Variants in NTRK3 observed in about 807,000 individuals in gnomAD.
NTRK3 encodes the protein NT-3 growth factor receptor.
NTRK3 carries 24 observed loss-of-function variants against 91.7 expected under a neutral mutation model. That is an observed-to-expected ratio of 0.26 (90% CI 0.19 to 0.37). The LOEUF is 0.37. Ranked by LOEUF, NTRK3 falls within the 10% of genes least tolerant of loss-of-function variation. The probability of loss-of-function intolerance (pLI) is 1.00; values close to 1 mark genes in which losing one functional copy is unlikely to be tolerated. For missense variants in NTRK3, 880 were observed against 1,068.9 expected (o/e 0.82, Z 2.46); for synonymous variants, 483 against 404.0 (o/e 1.20, Z -2.34).
intron 14 of NTRK3, among the ~76,000 whole-genome samples, chr15:87,959,932 A>G (rs1274876271): frequency 6.6e-6 from 1 of 152,188 alleles, no homozygotes; most frequent in Admixed American, 6.5e-5. Flanking sequence ...ATTCTCAGAC[A>G]TGTGGGAAAC....
chr15:88,014,383 A>G (rs1210172433), intron 14 of NTRK3, among the ~76,000 whole-genome samples: 1 of 152,214 alleles, frequency 6.6e-6, no homozygotes, highest in Non-Finnish European at 1.5e-5. Flanking sequence ...TCATTGAACT[A>G]TGTGTTTGGC....
exon 19 of NTRK3, chr15:87,874,543 C>A (rs773048034): frequency 8.6e-6 from 2 of 233,350 alleles, no homozygotes; most frequent in African/African-American, 2.2e-5. Context: ...TCTCCTGCTT[C>A]TTCCCAGCCC....
At chr15:88,005,438 C>G (rs947139054) in intron 14 of NTRK3, among the ~76,000 whole-genome samples, 1 of 152,304 alleles carries the variant, frequency 6.6e-6, no homozygotes, top group African/African-American at 2.4e-5. Context: ...CAGCAAAGGG[C>G]CTGCCCTTAA....
intron 14 of NTRK3, chr15:87,981,406 C>A (rs772652662): frequency 2.9e-5 from 47 of 1,613,478 alleles, no homozygotes; most frequent in Non-Finnish European, 3.8e-5. Context: ...CAGTATTAAA[C>A]CCCAAGTGCA....
intron 3 of NTRK3, among the ~76,000 whole-genome samples, chr15:88,218,569 G>A (rs907659318): frequency 2.4e-4 from 37 of 152,344 alleles, no homozygotes; most frequent in Admixed American, 1.7e-3. Context: ...ATCATAGGAC[G>A]TGATGATTCT....
intron 5 of NTRK3, among the ~76,000 whole-genome samples, chr15:88,159,993 C>T (rs996838953): frequency 7.0e-6 from 1 of 143,536 alleles, no homozygotes; most frequent in African/African-American, 2.6e-5. Flanking sequence ...CACACACACA[C>T]ATTGCTTGAA....
exon 19 of NTRK3, chr15:87,872,375 T>TG: frequency 4.4e-6 from 1 of 225,174 alleles, no homozygotes; most frequent in Non-Finnish European, 8.8e-6. Context: ...AAAAGGACTT[T>TG]GGTGAATAGT....
intron 5 of NTRK3, among the ~76,000 whole-genome samples, chr15:88,153,341 G>C (rs1020668359): frequency 6.6e-6 from 1 of 152,074 alleles, no homozygotes; most frequent in African/African-American, 2.4e-5. Flanking sequence ...CTCCCGGGTT[G>C]AAGCGATTCT....
At chr15:88,158,858 C>T (rs978887751) in intron 5 of NTRK3, among the ~76,000 whole-genome samples, 1 of 152,062 alleles carries the variant, frequency 6.6e-6, no homozygotes, top group Non-Finnish European at 1.5e-5. Context: ...GTGCCCAAGA[C>T]ATCACACTCA....
intron 14 of NTRK3, among the ~76,000 whole-genome samples, chr15:87,955,195 C>A (rs527841257): frequency 3.9e-4 from 60 of 152,342 alleles, no homozygotes; most frequent in African/African-American, 9.9e-4. Flanking sequence ...TCAGTTTGAG[C>A]TGCCTTGTGC....
At chr15:88,056,859 T>A (rs1024307412) in intron 13 of NTRK3, among the ~76,000 whole-genome samples, 2 of 152,218 alleles carry the variant, frequency 1.3e-5, no homozygotes, top group Non-Finnish European at 2.9e-5. Flanking sequence ...ATCTCATTCA[T>A]ATGGTATCAA....
At chr15:88,118,162 G>T (rs1290363312) in intron 13 of NTRK3, among the ~76,000 whole-genome samples, 1 of 152,140 alleles carries the variant, frequency 6.6e-6, no homozygotes, top group African/African-American at 2.4e-5. Context: ...TCTCTGTTTT[G>T]CTGTCTTTGG....
At chr15:87,905,963 T>G (rs533350918) in intron 17 of NTRK3, among the ~76,000 whole-genome samples, 2 of 152,308 alleles carry the variant, frequency 1.3e-5, no homozygotes, top group African/African-American at 4.8e-5. Context: ...AGCAAAGACA[T>G]GGACAACCAC....
chr15:88,133,044 G>C (rs1268386319), intron 10 of NTRK3, among the ~76,000 whole-genome samples: 1 of 152,128 alleles, frequency 6.6e-6, no homozygotes, highest in Non-Finnish European at 1.5e-5. Context: ...ATAGCTGCTA[G>C]ACCCCACCCT....
chr15:87,889,099 C>T (rs543100058), intron 17 of NTRK3, among the ~76,000 whole-genome samples: 37 of 152,276 alleles, frequency 2.4e-4, no homozygotes, highest in African/African-American at 8.9e-4. Context: ...GACATGGCAG[C>T]CAGGATTTTC....
intron 14 of NTRK3, among the ~76,000 whole-genome samples, chr15:87,964,327 AAAT>A (rs770472118): frequency 2.0e-5 from 3 of 151,614 alleles, no homozygotes; most frequent in East Asian, 3.9e-4. Context: ...TAATTTGGAT[AAAT>A]AATGATAATA....
intron 14 of NTRK3, among the ~76,000 whole-genome samples, chr15:87,990,037 A>G (rs1424034652): frequency 6.6e-6 from 1 of 152,018 alleles, no homozygotes; most frequent in Non-Finnish European, 1.5e-5. Flanking sequence ...TGTTACCTCC[A>G]TCTAGCTTCC....
chr15:88,217,708 G>A (rs1227697424), intron 3 of NTRK3, among the ~76,000 whole-genome samples: 1 of 152,106 alleles, frequency 6.6e-6, no homozygotes, highest in Admixed American at 6.6e-5. Context: ...ACGTTGCTGA[G>A]CTGTACACTT....
intron 3 of NTRK3, among the ~76,000 whole-genome samples, chr15:88,191,630 G>C (rs549863527): frequency 6.6e-6 from 1 of 152,238 alleles, no homozygotes; most frequent in East Asian, 1.9e-4. Flanking sequence ...GCACACACAC[G>C]CACAATGTGC....
Sources: allele counts gnomAD v4.1 joint callset (sites outside exome capture counted in the v4.1 genomes callset), GRCh38; gene constraint gnomAD v4.1.1; transcripts MANE v1.5; gene names NCBI Gene and HGNC (gene_info 2026-07-23, HGNC 2026-07-21).